The following ADCY5 variants were observed in gnomAD, a reference collection of about 807,000 sequenced individuals.
The protein encoded by ADCY5 is adenylate cyclase 5, also known as adenylate cyclase type 5.
In ADCY5, 30 loss-of-function variants were observed where a neutral mutation model predicts 119.7. That is an observed-to-expected ratio of 0.25 (90% CI 0.19 to 0.34). ADCY5 has a LOEUF of 0.34. ADCY5 is among the 10% of genes least tolerant of loss of function. The probability of loss-of-function intolerance (pLI) is 1.00; values close to 1 mark genes in which losing one functional copy is unlikely to be tolerated. For synonymous variants in ADCY5, 753 were observed against 762.2 expected, an observed-to-expected ratio of 0.99 and a Z score of 0.20; for missense variants, 1,324 against 1,775.2, an observed-to-expected ratio of 0.75 and a Z score of 4.57.
At chr3:123,405,976 C>T (rs1944887387) in intron 1 of ADCY5, among the ~76,000 whole-genome samples, 1 of 152,166 alleles carries the variant, frequency 6.6e-6, no homozygotes, top group Admixed American at 6.5e-5. Flanking sequence ...TCTGGGGTCT[C>T]GCTGACCCTG....
chr3:123,332,709 T>C, intron 3 of ADCY5, 34 bp from the exon 4 acceptor site: 1 of 1,391,138 alleles, frequency 7.2e-7, no homozygotes, highest in Middle Eastern at 1.8e-4. Flanking sequence ...GACCCTGCTA[T>C]AGGCTGAATC....
intron 17 of ADCY5, among the ~76,000 whole-genome samples, chr3:123,294,719 C>A (rs1019063764): frequency 6.6e-6 from 1 of 152,282 alleles, no homozygotes; most frequent in East Asian, 1.9e-4. Flanking sequence ...TCGGGACAGT[C>A]GGCAACACTG....
intron 1 of ADCY5, among the ~76,000 whole-genome samples, chr3:123,438,909 AT>A (rs1188343352): frequency 6.6e-6 from 1 of 151,294 alleles, no homozygotes; most frequent in East Asian, 1.9e-4. Flanking sequence ...ACCACACCTG[AT>A]TAACCTTTTT....
rs1404496664 is a variant in ADCY5, at chr3:123,419,233, C to G, written c.1134+28179G>C. On this transcript the variant is annotated intron_variant, in intron 1 of 20. Coordinates refer to ENST00000462833, the MANE Select transcript of ADCY5 (RefSeq NM_183357.3). ...CTGACGAGCACACAGTCAGGTGGCA[C>G]TCAAGGCCCTCCCCTCCACGCGCCC... 3.0e-6 allele frequency: 3 copies of G among 985,300 alleles called. No homozygotes were observed. The South Asian group carries it at 1.4e-4, about 46-fold the overall frequency. The allele number at this position is 985,300 out of a possible 1,614,324, so 61.0% of individuals were successfully genotyped here.
chr3:123,322,421 G>A (rs1380582406), intron 8 of ADCY5, among the ~76,000 whole-genome samples: 1 of 152,168 alleles, frequency 6.6e-6, no homozygotes, highest in Non-Finnish European at 1.5e-5. Flanking sequence ...TAGGGGGCTG[G>A]GACCATCCTA....
At chr3:123,420,864 T>C (rs907053306) in intron 1 of ADCY5, among the ~76,000 whole-genome samples, 2 of 152,164 alleles carry the variant, frequency 1.3e-5, no homozygotes, top group Non-Finnish European at 2.9e-5. Flanking sequence ...GAGGGCTGTT[T>C]CCCCAGAAGG....
intron 1 of ADCY5, among the ~76,000 whole-genome samples, chr3:123,441,701 T>A (rs187467995): frequency 1.1e-3 from 170 of 152,336 alleles, no homozygotes; most frequent in African/African-American, 3.9e-3. Context: ...TTCTCTCAAA[T>A]GCTCTCTCAG....
intron 1 of ADCY5, among the ~76,000 whole-genome samples, chr3:123,385,939 TTATCCC>T (rs1944205992): frequency 6.6e-6 from 1 of 152,188 alleles, no homozygotes; most frequent in South Asian, 2.1e-4. Context: ...GTAGGTGCTC[TTATCCC>T]TATCTTATTG....
intron 3 of ADCY5, among the ~76,000 whole-genome samples, chr3:123,345,168 G>C (rs1487756476): frequency 6.6e-6 from 1 of 152,196 alleles, no homozygotes; most frequent in African/African-American, 2.4e-5. Context: ...CAGCCCCTCT[G>C]ACCAAACACC....
intron 4 of ADCY5, among the ~76,000 whole-genome samples, chr3:123,331,255 C>G (rs910276466): frequency 1.3e-5 from 2 of 152,154 alleles, no homozygotes; most frequent in African/African-American, 4.8e-5. Flanking sequence ...CATTCCAGCT[C>G]CCAGACTCAG....
chr3:123,408,395 C>A (rs1167756053), intron 1 of ADCY5, among the ~76,000 whole-genome samples: 6 of 150,648 alleles, frequency 4.0e-5, no homozygotes, highest in African/African-American at 1.5e-4. Context: ...CGGTGGCTCA[C>A]GCCTGTAATC....
chr3:123,310,589 T>C (rs558507523), intron 12 of ADCY5, among the ~76,000 whole-genome samples: 72 of 152,272 alleles, frequency 4.7e-4, no homozygotes, highest in African/African-American at 1.7e-3. Flanking sequence ...CAACGTGTGA[T>C]GGTGAGCAGG....
intron 8 of ADCY5, among the ~76,000 whole-genome samples, chr3:123,321,575 C>T (rs954844829): frequency 6.6e-6 from 1 of 152,136 alleles, no homozygotes; most frequent in African/African-American, 2.4e-5. Context: ...TGACAAGTAG[C>T]CCCAGGACTT....
At chr3:123,322,751 T>C (rs908443920) in intron 8 of ADCY5, among the ~76,000 whole-genome samples, 1 of 152,098 alleles carries the variant, frequency 6.6e-6, no homozygotes, top group African/African-American at 2.4e-5. Flanking sequence ...TAAATAACCT[T>C]AAAGACCTTA....
chr3:123,384,067 C>T (rs953241981), intron 1 of ADCY5, among the ~76,000 whole-genome samples: 10 of 152,120 alleles, frequency 6.6e-5, no homozygotes, highest in African/African-American at 2.2e-4. Context: ...TCCATGCTCC[C>T]GGGACAGTAA....
chr3:123,323,855 G>A (rs1421465856), intron 8 of ADCY5, among the ~76,000 whole-genome samples: 3 of 152,026 alleles, frequency 2.0e-5, no homozygotes, highest in Admixed American at 6.6e-5. Context: ...ATAGAGACAG[G>A]GTCTCACTAT....
chr3:123,354,702 G>C (rs1942977143), intron 1 of ADCY5, among the ~76,000 whole-genome samples: 1 of 152,130 alleles, frequency 6.6e-6, no homozygotes, highest in African/African-American at 2.4e-5. Flanking sequence ...GGAGGAAGAA[G>C]AAGATGAGGA....
chr3:123,303,875 AGAGAAGAGAAGAGAAGAG>A (rs1371546323), intron 13 of ADCY5, among the ~76,000 whole-genome samples, 174 bp downstream of exon 13: 3 of 126,064 alleles, frequency 2.4e-5, no homozygotes, highest in East Asian at 8.0e-4. Flanking sequence ...AGAGAAGAGA[AGAGAAGAGAAGAGAAGAG>A]AAGAAAGAAC....
intron 3 of ADCY5, among the ~76,000 whole-genome samples, chr3:123,336,252 A>C (rs1942021186): frequency 6.6e-6 from 1 of 151,830 alleles, no homozygotes; most frequent in African/African-American, 2.4e-5. Context: ...TGCCCCCTCC[A>C]CCCAGGGAGA....
Sources: gnomAD v4.1 joint callset for allele counts (sites outside exome capture counted in the v4.1 genomes callset) on GRCh38, gnomAD v4.1.1 for gene constraint, MANE v1.5 for transcripts, NCBI Gene and HGNC (gene_info 2026-07-23, HGNC 2026-07-21) for gene names.